Variants in DTL observed in about 807,000 individuals in gnomAD.
The protein encoded by DTL is denticleless protein homolog.
Under a neutral mutation model 87.0 loss-of-function variants are expected in DTL, and 46 were observed. The ratio of observed to expected loss-of-function variants is 0.53; its 90% confidence interval spans 0.42 to 0.68. The LOEUF (loss-of-function observed/expected upper bound fraction) is 0.68, where lower values mean the gene tolerates loss of function less well. DTL is among the 30% of genes least tolerant of loss of function. The pLI, the probability that DTL is intolerant of heterozygous loss-of-function variation, is 0.00. For synonymous variants in DTL, 308 were observed against 311.2 expected, an observed-to-expected ratio of 0.99 and a Z score of 0.11; for missense variants, 737 against 869.4, an observed-to-expected ratio of 0.85 and a Z score of 1.91.
chr1:212,045,214 G>A (rs1667772516), intron 3 of DTL, among the ~76,000 whole-genome samples: 1 of 152,128 alleles, frequency 6.6e-6, no homozygotes, highest in Non-Finnish European at 1.5e-5. Flanking sequence ...CATGAGATTT[G>A]GGAAGGGACA....
intron 13 of DTL, among the ~76,000 whole-genome samples, chr1:212,088,387 G>A (rs1290891768): frequency 6.6e-6 from 1 of 152,136 alleles, no homozygotes; most frequent in East Asian, 1.9e-4. Context: ...GCACTATAGG[G>A]GCACTGGGCC....
At chr1:212,064,259 CAG>C (rs1271527229) in intron 6 of DTL, among the ~76,000 whole-genome samples, 1 of 152,066 alleles carries the variant, frequency 6.6e-6, no homozygotes, top group Non-Finnish European at 1.5e-5. Flanking sequence ...GCAGAAAGTA[CAG>C]AGAGTTCCCA....
At chr1:212,073,007 C>T (rs910909893) in intron 11 of DTL, among the ~76,000 whole-genome samples, 20 of 152,048 alleles carry the variant, frequency 1.3e-4, no homozygotes, top group Non-Finnish European at 2.2e-4. Context: ...CCTCGTGATC[C>T]GCCCAACTTG....
At position 212,103,066 on chromosome 1, in the gene DTL, A is replaced by C; in HGVS notation, c.*126A>C. On this transcript the variant is annotated 3_prime_UTR_variant, in exon 15 of 15. Transcript: ENST00000366991. ...TGGTCTTTAAGAAAGCTGCCTTTTC[A>C]TTTTTAGACAAAATCTTTTCAACGC... 1.8e-6 allele frequency: 1 copy of C among 541,080 alleles called. No homozygotes were observed. Among genetic ancestry groups the C allele is most frequent in the Non-Finnish European group, 3.3e-6 (1 of 307,084 alleles). 33.5% of individuals were successfully genotyped at this position (541,080 alleles called of 1,614,324 possible).
chr1:212,067,034 A>G lies in DTL; in HGVS notation c.713+149A>G, dbSNP rs1416249950. 3.7e-5 allele frequency: 24 copies of G among 646,780 alleles called. No individual in the cohort carries two copies. The South Asian group carries it at 4.5e-4, about 12-fold the overall frequency. The allele number at this position is 646,780 out of a possible 1,614,324, so 40.1% of individuals were successfully genotyped here. On this transcript the variant is annotated intron_variant, in intron 8 of 14. Coordinates refer to ENST00000366991, the MANE Select transcript of DTL (RefSeq NM_016448.4). ...ACTGAGGAAAGGAGCTATAGATCACATTGGAAAATACCTAGTTGAAGGACT... is the reference window on the plus strand; with the variant it reads ...ACTGAGGAAAGGAGCTATAGATCACGTTGGAAAATACCTAGTTGAAGGACT...
intron 13 of DTL, among the ~76,000 whole-genome samples, chr1:212,092,379 C>G (rs923401653): frequency 6.6e-6 from 1 of 152,024 alleles, no homozygotes; most frequent in Non-Finnish European, 1.5e-5. Flanking sequence ...ACTAAAAATA[C>G]AAAACTTAGG....
At chr1:212,092,874 A>T (rs780617173) in intron 13 of DTL, among the ~76,000 whole-genome samples, 1 of 152,186 alleles carries the variant, frequency 6.6e-6, no homozygotes, top group South Asian at 2.1e-4. Flanking sequence ...ACTAGTTTAC[A>T]TTCCCACCAG....
At chr1:212,079,354 C>G (rs1184747546) in intron 12 of DTL, among the ~76,000 whole-genome samples, 3 of 151,930 alleles carry the variant, frequency 2.0e-5, no homozygotes, top group Non-Finnish European at 4.4e-5. Flanking sequence ...CCCTATGCAT[C>G]TCAAACATCA....
At chr1:212,052,643 CAAAAAAAA>C (rs58890704) in intron 5 of DTL, among the ~76,000 whole-genome samples, 1 of 115,660 alleles carries the variant, frequency 8.6e-6, no homozygotes, top group African/African-American at 3.4e-5. Context: ...GACTCTGCCT[CAAAAAAAA>C]AAAAAAAAGA....
At chr1:212,043,851 T>C (rs1382774540) in intron 2 of DTL, among the ~76,000 whole-genome samples, 1 of 136,522 alleles carries the variant, frequency 7.3e-6, no homozygotes, top group African/African-American at 2.8e-5. Context: ...AAAAAAGAAA[T>C]AGAAGTATTT....
intron 5 of DTL, among the ~76,000 whole-genome samples, chr1:212,061,513 A>C (rs1006503929): frequency 6.8e-6 from 1 of 147,204 alleles, no homozygotes; most frequent in African/African-American, 2.5e-5. Flanking sequence ...AAAAAAAAAC[A>C]AATAGAATTA....
chr1:212,074,729 G>T (rs560739186), intron 11 of DTL, among the ~76,000 whole-genome samples: 1 of 151,992 alleles, frequency 6.6e-6, no homozygotes, highest in South Asian at 2.1e-4. Flanking sequence ...GCTCTTCTAC[G>T]TGTTCAAAAA....
chr1:212,074,198 T>A (rs553975616), intron 11 of DTL, among the ~76,000 whole-genome samples: 2 of 151,624 alleles, frequency 1.3e-5, no homozygotes, highest in East Asian at 3.9e-4. Context: ...TATAGTTTCT[T>A]GATAGTTTTT....
In DTL at chr1:212,047,343, C is replaced by G; in HGVS notation, c.386C>G (p.Ala129Gly). ...ACAGCCAAATTTTGGGACGTAAAAG[C>G]TGGTGAGCTGATTGGAACATGCAAA... ...DQTAKFWDVKAGELIGTCKGH... is the reference protein window; with the variant it reads ...DQTAKFWDVKGGELIGTCKGH... Residue 129 changes from alanine (A) to glycine (G), a missense_variant, in exon 5 of 15, where the codon GCT becomes GGT. Coordinates refer to ENST00000366991, the MANE Select transcript of DTL (RefSeq NM_016448.4). 6.2e-7 allele frequency: 1 copy of G among 1,614,192 alleles called. No homozygotes were observed. The highest frequency in any genetic ancestry group is 1.1e-5 in the South Asian group (1 of 91,084).
At chr1:212,088,086 T>A (rs1163825585) in intron 13 of DTL, among the ~76,000 whole-genome samples, 1 of 152,160 alleles carries the variant, frequency 6.6e-6, no homozygotes, top group East Asian at 1.9e-4. Context: ...AGTCCGTGTA[T>A]CCCCAGTGAT....
In DTL at chr1:212,063,193, C is replaced by T. The variant is rs532350695; in HGVS notation, c.526+244C>T. On this transcript the variant is annotated intron_variant, in intron 6 of 14. Transcript: ENST00000366991. ...CATATTGTCTTCTGAATTATAATGCCATTTACCCACATTATTGATGGACTT... is the reference window on the plus strand; with the variant it reads ...CATATTGTCTTCTGAATTATAATGCTATTTACCCACATTATTGATGGACTT... 5.3e-5 allele frequency among the ~76,000 whole-genome samples: 8 copies of T among 152,212 alleles called. 1 individual carries two copies. In the South Asian group the frequency reaches 1.7e-3, roughly 32 times the overall value.
Position 212,035,962 on chromosome 1 carries a change from G to C in DTL, c.52+20G>C, listed in dbSNP as rs763797805. 2.9e-5 allele frequency: 47 copies of C among 1,612,482 alleles called. No individual in the cohort carries two copies. Among genetic ancestry groups the C allele is most frequent in the Non-Finnish European group, 3.7e-5 (44 of 1,178,784 alleles). ...GAAATGGTGAGTAACGGTCCCAACC[G>C]CTGCTCGGAGCTGGCGGAATTCATT... is the stretch of plus-strand genomic sequence containing the variant. On this transcript the variant is annotated intron_variant, in intron 1 of 14. Coordinates refer to ENST00000366991, the MANE Select transcript of DTL (RefSeq NM_016448.4).
rs918119588 is a variant in DTL at position 212,103,684 on chromosome 1, A to G, written c.*744A>G. The G allele has an allele frequency of 3.3e-5, 5 of 152,164 alleles. No homozygotes were observed. Among genetic ancestry groups the G allele is most frequent in the Non-Finnish European group, 7.4e-5 (5 of 68,026 alleles). The allele number at this position is 152,164 out of a possible 1,614,324, so 9.4% of individuals were successfully genotyped here. On this transcript the variant is annotated 3_prime_UTR_variant, in exon 15 of 15. Coordinates refer to ENST00000366991, the MANE Select transcript of DTL (RefSeq NM_016448.4). ...CCATGTTTTCACCAAGCAATCTGCT[A>G]TGTCAGCCAACCCAACATCACTTTC...
intron 1 of DTL, among the ~76,000 whole-genome samples, chr1:212,040,335 G>A (rs1667598413): frequency 6.6e-6 from 1 of 152,170 alleles, no homozygotes; most frequent in African/African-American, 2.4e-5. Flanking sequence ...GTATATCGTA[G>A]TTGAGTACAG....
Sources: allele counts gnomAD v4.1 joint callset (sites outside exome capture counted in the v4.1 genomes callset), GRCh38; gene constraint gnomAD v4.1.1; transcripts MANE v1.5; gene names NCBI Gene and HGNC (gene_info 2026-07-23, HGNC 2026-07-21).